Variants in CRACR2B observed in about 807,000 individuals in gnomAD.
CRACR2B encodes calcium release activated channel regulator 2B, also known as EF-hand calcium-binding domain-containing protein 4A.
Under a neutral mutation model 46.0 loss-of-function variants are expected in CRACR2B, and 50 were observed. The observed-to-expected ratio is 1.09, with a 90% CI of 0.87 to 1.38. The LOEUF (loss-of-function observed/expected upper bound fraction) is 1.38, where lower values mean the gene tolerates loss of function less well. Among genes scored for constraint, CRACR2B ranks in the 40% most tolerant of loss-of-function variants. CRACR2B has a pLI of 0.00. For synonymous variants in CRACR2B, 277 were observed against 239.6 expected, an observed-to-expected ratio of 1.16 and a Z score of -1.44; for missense variants, 667 against 535.0, an observed-to-expected ratio of 1.25 and a Z score of -2.43.
At position 828,862 on chromosome 11, in the gene CRACR2B, G is replaced by A. The variant is rs758914691; in HGVS notation, c.176G>A (p.Ser59Asn). ...ITKHDLQGLQ[S>N]DLPLTPEQLE... is the part of the protein sequence containing the mutation. ...TCCTTCCCCGACCAGGGTCTCCAGA[G>A]CGACCTGCCCCTCACGCCAGAGCAG... Residue 59 changes from serine (S) to asparagine (N), a missense_variant, in exon 2 of 9, where the codon AGC (serine) becomes AAC (asparagine). Physicochemically the swap from Ser to Asn is conservative, Grantham distance 46. Transcript: ENST00000525077. 2 of 1,610,566 alleles carry A rather than the reference G, an allele frequency of 1.2e-6. No homozygotes were observed. The highest frequency in any genetic ancestry group is 1.7e-5 in the Admixed American group (1 of 59,802).
upstream of CRACR2B, chr11:827,464 G>A: frequency 1.2e-6 from 1 of 839,728 alleles, no homozygotes; most frequent in Non-Finnish European, 1.4e-6. Context: ...GCAGGGGTAA[G>A]GGCGGGGTTG....
chr11:828,705 A>C lies in CRACR2B; in HGVS notation c.98A>C (p.Gln33Pro), dbSNP rs747450805. Residue 33 changes from glutamine to proline, a missense_variant, in exon 1 of 9, where the codon CAG becomes CCG. By Grantham distance (76) the Gln-to-Pro change is moderately conservative. Transcript: ENST00000525077. ...GGGCCGCGGGCTGCAATACTGGAGC[A>C]GGCTGAGGAGCTGTTTCTGCTGTGT... ...SAGPRAAILE[Q>P]AEELFLLCDK... 4 of 1,612,956 alleles carry C rather than the reference A, an allele frequency of 2.5e-6. No individual in the cohort carries two copies. The highest frequency in any genetic ancestry group is 3.4e-6 in the Non-Finnish European group (4 of 1,179,704).
At chr11:827,413 C>G (rs1357454321), upstream of CRACR2B, 1 of 409,162 alleles carries the variant, frequency 2.4e-6, no homozygotes, top group Admixed American at 6.4e-5. Context: ...ACCTGAGCGT[C>G]TCGGTCGGGA....
At chr11:831,425 G>A in intron 8 of CRACR2B, 110 bp from the exon 9 acceptor site, 1 of 1,477,444 alleles carries the variant, frequency 6.8e-7, no homozygotes, top group Non-Finnish European at 9.0e-7. Context: ...CACCCCTCAC[G>A]CTGCAGCCTC....
In CRACR2B at chr11:831,058, CCCCGGTGCGTGTCCCGGGGGCGGGG is replaced by C. The variant is rs760989883; in HGVS notation, c.953+29_953+53del. The C allele has an allele frequency of 5.9e-6, 9 of 1,535,858 alleles. No homozygotes were observed. In the South Asian group the frequency reaches 1.1e-4, roughly 18 times the overall value. On this transcript the variant is annotated intron_variant, in intron 7 of 8. Transcript: ENST00000525077. ...GTGCCGTGGGACGGGGCTGGGCGGGCCCCGGTGCGTGTCCCGGGGGCGGGGCCGACGGGCGCTCAGGTCTGGGCCA... is the reference window on the plus strand; with the variant it reads ...GTGCCGTGGGACGGGGCTGGGCGGGCCCGACGGGCGCTCAGGTCTGGGCCA...
chr11:831,428 G>A, intron 8 of CRACR2B, 107 bp from the exon 9 acceptor site: 1 of 1,477,946 alleles, frequency 6.8e-7, no homozygotes, highest in Non-Finnish European at 9.0e-7. Flanking sequence ...CCCTCACGCT[G>A]CAGCCTCAGC....
intron 1 of CRACR2B, 39 bp from the exon 2 acceptor site, chr11:828,813 G>T (rs1199807816): frequency 1.9e-6 from 3 of 1,611,842 alleles, no homozygotes; most frequent in South Asian, 1.1e-5. Context: ...GCCCTGGGTT[G>T]ACCGCAGCGG....
chr11:827,422 G>A (rs1415749711), upstream of CRACR2B: 2 of 466,362 alleles, frequency 4.3e-6, no homozygotes, highest in Non-Finnish European at 5.6e-6. Context: ...TCTCGGTCGG[G>A]AACTCCGGTT....
chr11:829,541 G>T lies in CRACR2B; in HGVS notation c.458+1G>T, dbSNP rs1038772162. 29 of 1,569,176 alleles carry T rather than the reference G, an allele frequency of 1.8e-5. No individual in the cohort carries two copies. The highest frequency in any genetic ancestry group is 2.1e-5 in the Non-Finnish European group (24 of 1,161,252). On this transcript the variant is annotated splice_donor_variant, in intron 3 of 8. Transcript: ENST00000525077. LOFTEE classifies it high-confidence loss of function. ...TGGGGGTGGCCCCGGTCCTGGGCAA[G>T]TGAGTCGGCGCTGGCCCCGCTCCCA...
At position 828,261 on chromosome 11, in the gene CRACR2B, T is replaced by G; in HGVS notation, c.-347T>G. On this transcript the variant is annotated 5_prime_UTR_variant, in exon 1 of 9. Transcript: ENST00000525077. ...GGACCCCACCTTCCTTATCACCAGG[T>G]CTTCTCCACTGGCCCCTGAGATTGC... 1 of 278,982 alleles carries G rather than the reference T, an allele frequency of 3.6e-6. No homozygotes were observed. Among genetic ancestry groups the G allele is most frequent in the Non-Finnish European group, 6.8e-6 (1 of 147,940 alleles). 17.3% of individuals were successfully genotyped at this position (278,982 alleles called of 1,614,324 possible). A position where few individuals can be genotyped will look rare whatever the true frequency, so the allele number is the denominator to read the frequency against.
chr11:828,507 C>G lies in CRACR2B; in HGVS notation c.-101C>G. On this transcript the variant is annotated 5_prime_UTR_variant, in exon 1 of 9. Transcript: ENST00000525077. ...CTGCAGGGAGGGCCCTCGGCTGAGC[C>G]TTCAGACACACTTGCACCCCATCCG... is the stretch of plus-strand genomic sequence containing the variant. The G allele has an allele frequency of 3.6e-6, 5 of 1,387,388 alleles. No individual in the cohort carries two copies. Among genetic ancestry groups the G allele is most frequent in the Non-Finnish European group, 4.7e-6 (5 of 1,056,680 alleles). The allele number at this position is 1,387,388 out of a possible 1,614,324, so 85.9% of individuals were successfully genotyped here.
chr11:829,831 G>A lies in CRACR2B; in HGVS notation c.459-155G>A, dbSNP rs901631587. 10 of 1,376,174 alleles carry A rather than the reference G, an allele frequency of 7.3e-6. No individual in the cohort carries two copies. The African/African-American group carries it at 1.2e-4, about 16-fold the overall frequency. 85.2% of individuals were successfully genotyped at this position (1,376,174 alleles called of 1,614,324 possible). A position where few individuals can be genotyped will look rare whatever the true frequency, so the allele number is the denominator to read the frequency against. Reference sequence around the variant, plus strand: ...CCTCACCGACCACGCACGCCGGGCAGGGGCGAAAGCGCTCACGGGAGGGAT... The same window carrying A: ...CCTCACCGACCACGCACGCCGGGCAAGGGCGAAAGCGCTCACGGGAGGGAT... On this transcript the variant is annotated intron_variant, in intron 3 of 8. Coordinates refer to ENST00000525077, the MANE Select transcript of CRACR2B (RefSeq NM_001286606.2).
chr11:830,938 G>C lies in CRACR2B; in HGVS notation c.859G>C (p.Ala287Pro). 2 of 1,533,070 alleles carry C rather than the reference G, an allele frequency of 1.3e-6. No individual in the cohort carries two copies. The highest frequency in any genetic ancestry group is 8.7e-7 in the Non-Finnish European group (1 of 1,146,312). 95.0% of individuals were successfully genotyped at this position (1,533,070 alleles called of 1,614,324 possible). The change falls in exon 7 of 9, where the codon GCG (alanine) becomes CCG (proline). Residue 287 changes from alanine (A) to proline (P), a missense_variant. Transcript: ENST00000525077. ...AQAQNSQLWRAHEALRTQLEG... is the reference protein window; with the variant it reads ...AQAQNSQLWRPHEALRTQLEG... ...GGCCCAGAACTCCCAGCTGTGGCGG[G>C]CGCACGAGGCGCTGCGAACGCAGCT...
rs887835028 is a variant in CRACR2B at position 830,967 on chromosome 11, G to A, written c.888G>A (p.Glu296=). The change falls in exon 7 of 9, where the codon GAG becomes GAA. Residue 296 remains glutamate (E), a synonymous_variant. Coordinates refer to ENST00000525077, the MANE Select transcript of CRACR2B (RefSeq NM_001286606.2). ...ACGAGGCGCTGCGAACGCAGCTGGAGGGGGCGCAGGAGCAGATCCGCAGGC... is the reference window on the plus strand; with the variant it reads ...ACGAGGCGCTGCGAACGCAGCTGGAAGGGGCGCAGGAGCAGATCCGCAGGC... ...RAHEALRTQL[E]GAQEQIRRLE... 5 of 1,533,760 alleles carry A rather than the reference G, an allele frequency of 3.3e-6. No individual in the cohort carries two copies. In the Admixed American group the frequency reaches 5.9e-5, roughly 18 times the overall value.
Position 831,822 on chromosome 11 carries a change from C to G in CRACR2B, c.*113C>G, listed in dbSNP as rs562745102. ...GGCTCTCCCCAGTGGGCCCCAGGCT[C>G]GCCTGACTGAAGACATGAAGGACCT... On this transcript the variant is annotated 3_prime_UTR_variant, in exon 9 of 9. Coordinates refer to ENST00000525077, the MANE Select transcript of CRACR2B (RefSeq NM_001286606.2). The G allele has an allele frequency of 7.6e-7, 1 of 1,309,526 alleles. No individual in the cohort carries two copies. The highest frequency in any genetic ancestry group is 1.0e-6 in the Non-Finnish European group (1 of 1,000,844). 81.1% of individuals were successfully genotyped at this position (1,309,526 alleles called of 1,614,324 possible).
chr11:827,366 C>G (rs1041588735), upstream of CRACR2B: 1 of 180,972 alleles, frequency 5.5e-6, no homozygotes, highest in African/African-American at 2.4e-5. Flanking sequence ...CTGCCGCCCG[C>G]CCGGCACCCC....
At chr11:831,368 T>A in intron 8 of CRACR2B, 73 bp downstream of exon 8, 1 of 1,534,978 alleles carries the variant, frequency 6.5e-7, no homozygotes, top group South Asian at 1.2e-5. Context: ...CCAACATTCT[T>A]GGCTGCCGCT....
chr11:830,697 G>A lies in CRACR2B; in HGVS notation c.770G>A (p.Gly257Asp), dbSNP rs916337415. The A allele has an allele frequency of 2.0e-6, 3 of 1,537,996 alleles. No homozygotes were observed. Among genetic ancestry groups the A allele is most frequent in the Non-Finnish European group, 2.6e-6 (3 of 1,142,480 alleles). The change falls in exon 6 of 9, where the codon GGC (glycine) becomes GAC (aspartate). Residue 257 changes from glycine to aspartate, a missense_variant. By Grantham distance (94) the Gly-to-Asp change is moderately conservative. Transcript: ENST00000525077. ...QSREQDLERA[G>D]LRQRELEQQL... is the part of the protein sequence containing the mutation. Reference sequence around the variant, plus strand: ...CGCGAGCAGGACCTGGAACGCGCGGGCCTGCGGCAGCGGGAGGTGAGCACC... The same window carrying A: ...CGCGAGCAGGACCTGGAACGCGCGGACCTGCGGCAGCGGGAGGTGAGCACC...
upstream of CRACR2B, among the ~76,000 whole-genome samples, chr11:826,626 T>G (rs1423099083): frequency 6.6e-6 from 1 of 152,232 alleles, no homozygotes; most frequent in Admixed American, 6.5e-5. Flanking sequence ...CGAGTTCAAG[T>G]GATTCTCCTG....
Sources: gnomAD v4.1 joint callset for allele counts (sites outside exome capture counted in the v4.1 genomes callset) on GRCh38, gnomAD v4.1.1 for gene constraint, MANE v1.5 for transcripts, NCBI Gene and HGNC (gene_info 2026-07-23, HGNC 2026-07-21) for gene names.